The following ZNF91 variants were observed in gnomAD, a reference collection of about 807,000 sequenced individuals.
ZNF91 encodes the protein zinc finger protein 91.
Under a neutral mutation model 12.6 loss-of-function variants are expected in ZNF91, and 7 were observed. That is an observed-to-expected ratio of 0.55 (90% CI 0.31 to 1.04). ZNF91 has a LOEUF of 1.04. Among genes scored for constraint, ZNF91 ranks in the 50% least tolerant of loss-of-function variants. The pLI, the probability that ZNF91 is intolerant of heterozygous loss-of-function variation, is 0.05. For missense variants in ZNF91, 1,217 were observed against 1,385.4 expected (o/e 0.88, Z 1.93); for synonymous variants, 453 against 462.6 (o/e 0.98, Z 0.27).
At chr19:23,381,428 T>C (rs1969709955) in intron 1 of ZNF91, among the ~76,000 whole-genome samples, 1 of 152,024 alleles carries the variant, frequency 6.6e-6, no homozygotes, top group Non-Finnish European at 1.5e-5. Flanking sequence ...CACTCCACTT[T>C]TCAGTTTATA....
At chr19:23,316,319 GTCT>G (rs1406941067) in intron 1 of ZNF91, among the ~76,000 whole-genome samples, 1 of 152,176 alleles carries the variant, frequency 6.6e-6, no homozygotes, top group African/African-American at 2.4e-5. Context: ...AGATGTGGCT[GTCT>G]TCTTCTCCCT....
intron 3 of ZNF91, among the ~76,000 whole-genome samples, chr19:23,370,717 G>A (rs1969242882): frequency 6.6e-6 from 1 of 152,008 alleles, no homozygotes; most frequent in Non-Finnish European, 1.5e-5. Context: ...TTTTGCCCAG[G>A]CTGGTCTCAA....
downstream of ZNF91, among the ~76,000 whole-genome samples, chr19:23,353,646 A>G (rs1298075102): frequency 1.3e-5 from 2 of 151,966 alleles, no homozygotes; most frequent in African/African-American, 4.8e-5. Flanking sequence ...AAAATACAAA[A>G]GTAAATGAAA....
At chr19:23,309,903 C>T (rs1967447429) in intron 1 of ZNF91, among the ~76,000 whole-genome samples, 1 of 152,040 alleles carries the variant, frequency 6.6e-6, no homozygotes, top group South Asian at 2.1e-4. Context: ...AGGATTGTCA[C>T]CCTCACACAT....
Position 23,395,399 on chromosome 19 carries a change from G to C in ZNF91, c.-45C>G. On this transcript the variant is annotated 5_prime_UTR_variant, in exon 1 of 4. Coordinates refer to ENST00000300619, the MANE Select transcript of ZNF91 (RefSeq NM_003430.4). Reference sequence around the variant, plus strand: ...TACCTGCAGGTCACAGGGCCACACAGGCTGGGCCTCCTGGAGCAGAGGACA... The same window carrying C: ...TACCTGCAGGTCACAGGGCCACACACGCTGGGCCTCCTGGAGCAGAGGACA... 1 of 1,610,098 alleles carries C rather than the reference G, an allele frequency of 6.2e-7. No individual in the cohort carries two copies. The highest frequency in any genetic ancestry group is 8.5e-7 in the Non-Finnish European group (1 of 1,178,050).
chr19:23,385,130 C>T (rs968748602), intron 1 of ZNF91: 6 of 745,236 alleles, frequency 8.1e-6, no homozygotes, highest in African/African-American at 1.7e-5. Context: ...GAATGGCCAG[C>T]CGAAGACATG....
intron 3 of ZNF91, among the ~76,000 whole-genome samples, chr19:23,365,399 A>C (rs964605525): frequency 1.3e-5 from 2 of 152,080 alleles, no homozygotes; most frequent in Non-Finnish European, 2.9e-5. Context: ...AGAAACCAGG[A>C]GTTTCAGATC....
intron 1 of ZNF91, among the ~76,000 whole-genome samples, chr19:23,393,120 TC>T (rs766283411): frequency 2.0e-5 from 3 of 152,062 alleles, no homozygotes; most frequent in Admixed American, 2.0e-4. Flanking sequence ...TTACTATTTT[TC>T]TTGCACTATT....
At chr19:23,385,263 G>C in intron 1 of ZNF91, 1 of 516,706 alleles carries the variant, frequency 1.9e-6, no homozygotes, top group South Asian at 3.5e-5. Context: ...TTTTGGATGA[G>C]GGGCTGAATG....
intron 1 of ZNF91, among the ~76,000 whole-genome samples, chr19:23,323,771 C>G (rs1216830663): frequency 2.7e-5 from 4 of 147,556 alleles, no homozygotes; most frequent in Non-Finnish European, 5.9e-5. Context: ...TTTTCGTCTC[C>G]TCCTTCTCTT....
intron 1 of ZNF91, chr19:23,309,246 T>G (rs1967436389): frequency 6.6e-6 from 1 of 152,210 alleles, no homozygotes; most frequent in African/African-American, 2.4e-5. Flanking sequence ...GAGAGACTCC[T>G]GCCTGGGCGA....
rs1383806522 is a variant in ZNF91, at chr19:23,360,630, T to G, written c.2349A>C (p.Ser783=). 6.2e-7 allele frequency: 1 copy of G among 1,613,968 alleles called. No homozygotes were observed. ...KECGKAFIWS[S]TLTRHKRIHT... ...GTATCCTCTTATGTCTAGTTAGGGT[T>G]GAAGACCATATAAATGCTTTGCCAC... The change falls in exon 4 of 4, where the codon TCA becomes TCC. Residue 783 remains serine (S), a synonymous_variant. Transcript: ENST00000300619.
Position 23,385,035 on chromosome 19 carries a change from C to T in ZNF91, c.31-10271G>A, listed in dbSNP as rs1969830451. On this transcript the variant is annotated intron_variant, in intron 1 of 3. Transcript: ENST00000300619. ...AGAACGGGACAGTCCACCAGGGAGA[C>T]ACCTCATGGGGCTCCAGCGGTTCCG... 28 of 1,213,562 alleles carry T rather than the reference C, an allele frequency of 2.3e-5. No homozygotes were observed. In the South Asian group the frequency reaches 3.4e-4, roughly 15 times the overall value. The allele number at this position is 1,213,562 out of a possible 1,614,324, so 75.2% of individuals were successfully genotyped here. A position where few individuals can be genotyped will look rare whatever the true frequency, so the allele number is the denominator to read the frequency against.
intron 3 of ZNF91, among the ~76,000 whole-genome samples, chr19:23,373,516 T>C (rs907923551): frequency 1.3e-5 from 2 of 151,934 alleles, no homozygotes; most frequent in African/African-American, 4.8e-5. Flanking sequence ...TGAACAGTAC[T>C]CTGGCTGTCA....
intron 1 of ZNF91, among the ~76,000 whole-genome samples, chr19:23,393,702 A>C (rs953789010): frequency 8.0e-6 from 1 of 125,570 alleles, no homozygotes; most frequent in Non-Finnish European, 1.6e-5. Context: ...ATGCTTTGTC[A>C]AAAAAAAAAT....
chr19:23,378,999 C>A (rs1363381501), intron 1 of ZNF91, among the ~76,000 whole-genome samples: 1 of 148,876 alleles, frequency 6.7e-6, no homozygotes, highest in African/African-American at 2.5e-5. Context: ...GAGGAGCAAA[C>A]ACAGGATGAC....
chr19:23,366,592 TGA>T (rs1244171334), intron 3 of ZNF91, among the ~76,000 whole-genome samples: 1 of 152,236 alleles, frequency 6.6e-6, no homozygotes, highest in Non-Finnish European at 1.5e-5. Context: ...CTGCTTCTGG[TGA>T]GAGTGTCAGC....
Position 23,359,701 on chromosome 19 carries a change from AG to A in ZNF91, c.3277del (p.Leu1093Ter), listed in dbSNP as rs376851241. ...GGTGTGCAACCTCTTATGTCTAGTT[AG>A]GGTTGAAGATTGGCTAAATGCTTTG... ...CGKAFSQSSTLTRHKRLHTGE... is the reference protein window; with the variant it reads ...CGKAFSQSSTXTRHKRLHTGE... On this transcript the variant is annotated frameshift_variant, in exon 4 of 4. Transcript: ENST00000300619. LOFTEE classifies it low-confidence loss of function (END_TRUNC). The A allele has an allele frequency of 6.8e-4, 1,097 of 1,614,106 alleles. 1 individual carries two copies. Among genetic ancestry groups the A allele is most frequent in the Middle Eastern group, 3.0e-3 (18 of 6,062 alleles).
At chr19:23,322,254 C>T (rs961836943) in intron 1 of ZNF91, among the ~76,000 whole-genome samples, 2 of 152,182 alleles carry the variant, frequency 1.3e-5, no homozygotes, top group Non-Finnish European at 2.9e-5. Context: ...GGCGCTCCTG[C>T]TTTGGTCTTC....
Sources: gnomAD v4.1 joint callset for allele counts (sites outside exome capture counted in the v4.1 genomes callset) on GRCh38, gnomAD v4.1.1 for gene constraint, MANE v1.5 for transcripts, NCBI Gene and HGNC (gene_info 2026-07-23, HGNC 2026-07-21) for gene names.